RHAG: variants seen among roughly 807,000 people sequenced by gnomAD.
The protein encoded by RHAG is Rh associated glycoprotein.
Under a neutral mutation model 42.4 loss-of-function variants are expected in RHAG, and 25 were observed. That is an observed-to-expected ratio of 0.59 (90% CI 0.43 to 0.82). The LOEUF (loss-of-function observed/expected upper bound fraction) is 0.82. Ranked by LOEUF, RHAG falls within the 40% of genes least tolerant of loss-of-function variation. The pLI, the probability that RHAG is intolerant of heterozygous loss-of-function variation, is 0.00. For missense variants in RHAG, 483 were observed against 504.6 expected (o/e 0.96, Z 0.41); for synonymous variants, 182 against 177.7 (o/e 1.02, Z -0.19).
chr6:49,621,897 T>C (rs969560333), intron 1 of RHAG, among the ~76,000 whole-genome samples: 6 of 152,186 alleles, frequency 3.9e-5, no homozygotes, highest in Admixed American at 3.3e-4. Flanking sequence ...GGTTACTTGT[T>C]TATAGTCACA....
At chr6:49,624,556 T>C (rs1336574038) in intron 1 of RHAG, among the ~76,000 whole-genome samples, 1 of 152,204 alleles carries the variant, frequency 6.6e-6, no homozygotes, top group Non-Finnish European at 1.5e-5. Flanking sequence ...GTATTAGCTC[T>C]ATGCTAGCTA....
At chr6:49,613,837 G>A (rs562569246) in intron 5 of RHAG, among the ~76,000 whole-genome samples, 22 of 152,240 alleles carry the variant, frequency 1.4e-4, no homozygotes, top group East Asian at 5.8e-4. Flanking sequence ...CCATGGAATC[G>A]AAATTAGCAT....
intron 5 of RHAG, among the ~76,000 whole-genome samples, chr6:49,613,967 C>T (rs1014802622): frequency 3.9e-5 from 6 of 152,148 alleles, no homozygotes; most frequent in African/African-American, 1.2e-4. Flanking sequence ...GGAATGTTTG[C>T]AGTTGGGAGA....
intron 9 of RHAG, 124 bp from the exon 10 acceptor site, chr6:49,605,954 A>G (rs1562010983): frequency 1.2e-6 from 1 of 839,336 alleles, no homozygotes; most frequent in East Asian, 2.5e-5. Flanking sequence ...GGGAATAAAA[A>G]TTGTTTGAGT....
chr6:49,622,648 A>T (rs1762781039), intron 1 of RHAG, among the ~76,000 whole-genome samples: 1 of 152,110 alleles, frequency 6.6e-6, no homozygotes, highest in South Asian at 2.1e-4. Context: ...GTGGAACTGT[A>T]AGTCAAATAA....
At chr6:49,608,524 C>T (rs1762513929) in intron 7 of RHAG, among the ~76,000 whole-genome samples, 1 of 152,090 alleles carries the variant, frequency 6.6e-6, no homozygotes, top group East Asian at 1.9e-4. Flanking sequence ...ATTATAGGCA[C>T]CCACCACCAT....
chr6:49,611,187 A>C, intron 6 of RHAG, 42 bp from the exon 7 acceptor site: 2 of 1,535,622 alleles, frequency 1.3e-6, no homozygotes, highest in Non-Finnish European at 1.8e-6. Context: ...TTAGTTAAAC[A>C]TATAGAACTC....
intron 1 of RHAG, among the ~76,000 whole-genome samples, chr6:49,621,264 G>T (rs965493667): frequency 1.3e-5 from 2 of 152,164 alleles, no homozygotes; most frequent in Admixed American, 6.5e-5. Flanking sequence ...GGTCAGGAGT[G>T]CCGCCAGATG....
intron 1 of RHAG, among the ~76,000 whole-genome samples, chr6:49,621,196 T>G (rs1183073201): frequency 1.3e-5 from 2 of 152,156 alleles, no homozygotes; most frequent in Non-Finnish European, 2.9e-5. Context: ...GATGCTGAGA[T>G]GCGCTGCCCA....
At chr6:49,629,695 G>C (rs537034129) in intron 1 of RHAG, among the ~76,000 whole-genome samples, 1 of 152,208 alleles carries the variant, frequency 6.6e-6, no homozygotes, top group Non-Finnish European at 1.5e-5. Context: ...CCTGCCCCAC[G>C]GGAAGGCAGC....
At position 49,612,239 on chromosome 6, in the gene RHAG, A is replaced by G. The variant is rs1581938401; in HGVS notation, c.945+158T>C. 2.0e-5 allele frequency among the ~76,000 whole-genome samples: 3 copies of G among 152,326 alleles called. No individual in the cohort carries two copies. The South Asian group carries it at 6.2e-4, about 32-fold the overall frequency. ...AGTCAGGGCAGAGTAGAACCACTGA[A>G]CCACTGAAATGGGAGTGGTATTTCC... On this transcript the variant is annotated intron_variant, in intron 6 of 9. Coordinates refer to ENST00000371175, the MANE Select transcript of RHAG (RefSeq NM_000324.3).
chr6:49,616,354 C>CAAAAAAAA (rs34416373), intron 3 of RHAG, among the ~76,000 whole-genome samples: 88 of 108,610 alleles, frequency 8.1e-4, no homozygotes, highest in African/African-American at 1.6e-3. Context: ...AATCTCAAAC[C>CAAAAAAAA]AAAAAAAAAA....
intron 1 of RHAG, among the ~76,000 whole-genome samples, chr6:49,625,682 T>C (rs531168157): frequency 6.6e-6 from 1 of 152,318 alleles, no homozygotes; most frequent in East Asian, 1.9e-4. Context: ...TTTATGTTGT[T>C]AATTTTGTTC....
In RHAG at chr6:49,619,389, C is replaced by A. The variant is rs1019776260; in HGVS notation, c.158-27G>T. ...TGGAAAAGAGGAAAGGAAAAAATAT[C>A]TGCATTATGAGAGCATGAAGAAAGT... On this transcript the variant is annotated intron_variant, in intron 1 of 9. Coordinates refer to ENST00000371175, the MANE Select transcript of RHAG (RefSeq NM_000324.3). 5 of 1,597,686 alleles carry A rather than the reference C, an allele frequency of 3.1e-6. No homozygotes were observed. The Admixed American group carries it at 5.1e-5, about 16-fold the overall frequency.
chr6:49,615,956 G>A (rs2127352401), intron 3 of RHAG, among the ~76,000 whole-genome samples, 185 bp from the exon 4 acceptor site: 1 of 152,272 alleles, frequency 6.6e-6, no homozygotes, highest in African/African-American at 2.4e-5. Flanking sequence ...AGAATTTGGA[G>A]CCATACAGAA....
At chr6:49,623,814 G>A (rs1013423441) in intron 1 of RHAG, among the ~76,000 whole-genome samples, 1 of 152,178 alleles carries the variant, frequency 6.6e-6, no homozygotes, top group Admixed American at 6.5e-5. Context: ...AGGATTCATA[G>A]TAAGCGGTGT....
rs1005865814 is a variant in RHAG, at chr6:49,611,008, C to G, written c.1067+16G>C. The G allele has an allele frequency of 9.3e-6, 15 of 1,613,562 alleles. No homozygotes were observed. The highest frequency in any genetic ancestry group is 1.7e-5 in the Admixed American group (1 of 59,964). On this transcript the variant is annotated intron_variant, in intron 7 of 9. Transcript: ENST00000371175. ...CATGGGACCACAGGGGCTGAAAAAC[C>G]CATTCTTTTACTCACGTGTTGGAGG... is the stretch of plus-strand genomic sequence containing the variant.
chr6:49,620,344 A>C (rs1357084726), intron 1 of RHAG, among the ~76,000 whole-genome samples: 1 of 152,220 alleles, frequency 6.6e-6, no homozygotes, highest in Non-Finnish European at 1.5e-5. Context: ...AGATAGTGAA[A>C]ACATGAGCTC....
intron 7 of RHAG, among the ~76,000 whole-genome samples, chr6:49,609,814 C>T (rs1762540871): frequency 6.6e-6 from 1 of 152,146 alleles, no homozygotes; most frequent in African/African-American, 2.4e-5. Flanking sequence ...ATCATTCAGA[C>T]ATTTCTAGAC....
Sources: gnomAD v4.1 joint callset for allele counts (sites outside exome capture counted in the v4.1 genomes callset) on GRCh38, gnomAD v4.1.1 for gene constraint, MANE v1.5 for transcripts, NCBI Gene and HGNC (gene_info 2026-07-23, HGNC 2026-07-21) for gene names.